MEGF6: variants seen among roughly 807,000 people sequenced by gnomAD.
MEGF6 encodes the protein multiple epidermal growth factor-like domains protein 6.
MEGF6 carries 184 observed loss-of-function variants against 207.1 expected under a neutral mutation model. The ratio of observed to expected loss-of-function variants is 0.89; its 90% CI spans 0.79 to 1.00. The LOEUF (loss-of-function observed/expected upper bound fraction) is 1.00, where lower values mean the gene tolerates loss of function less well. MEGF6 is among the 50% of genes least tolerant of loss of function. The pLI is 0.00. For synonymous variants in MEGF6, 1,038 were observed against 910.0 expected (o/e 1.14, Z -2.53); for missense variants, 2,282 against 2,202.9 (o/e 1.04, Z -0.72).
At chr1:3,568,994 C>T (rs981781591) in intron 4 of MEGF6, among the ~76,000 whole-genome samples, 10 of 147,156 alleles carry the variant, frequency 6.8e-5, no homozygotes, top group Non-Finnish European at 1.2e-4. Context: ...AGCTTCCAGG[C>T]GAGTGGGCAG....
rs77366893 is a variant in MEGF6 at position 3,488,911 on chromosome 1, A to G, written c.*1617T>C. Among the ~76,000 whole-genome samples the G allele has an allele frequency of 0.011, 1,610 of 152,170 alleles. 29 individuals are homozygous for G. The highest frequency in any genetic ancestry group is 0.036 in the African/African-American group (1,502 of 41,500). ...CGTTGCTTCATGTCAATGACTTCTT[A>G]CTTTTGTATTTTGCAGTTAGATGGA... is the stretch of plus-strand genomic sequence containing the variant. On this transcript the variant is annotated 3_prime_UTR_variant, in exon 37 of 37. Coordinates refer to ENST00000356575, the MANE Select transcript of MEGF6 (RefSeq NM_001409.4).
Position 3,512,075 on chromosome 1 carries a change from T to C in MEGF6, c.907A>G (p.Thr303Ala), listed in dbSNP as rs1208979580. Residue 303 changes from threonine to alanine, a missense_variant, in exon 8 of 37, where the codon ACC becomes GCC. Coordinates refer to ENST00000356575, the MANE Select transcript of MEGF6 (RefSeq NM_001409.4). ...LAQCAHGCLN[T>A]QGSFKCVCHA... ...CACACGCACTTGAAGGACCCCTGGG[T>C]GTTGAGGCAGCCATGGGCACACTGG... 5 of 1,612,370 alleles carry C rather than the reference T, an allele frequency of 3.1e-6. No individual in the cohort carries two copies. The highest frequency in any genetic ancestry group is 4.2e-6 in the Non-Finnish European group (5 of 1,179,690).
chr1:3,509,591 A>G (rs1366162980), intron 11 of MEGF6, among the ~76,000 whole-genome samples: 1 of 152,080 alleles, frequency 6.6e-6, no homozygotes, highest in Non-Finnish European at 1.5e-5. Flanking sequence ...CCCTTCTCTC[A>G]CGTGGTCAGG....
chr1:3,508,625 C>T lies in MEGF6; in HGVS notation c.1593G>A (p.Gly531=), dbSNP rs761918325. 1.9e-6 allele frequency: 3 copies of T among 1,613,472 alleles called. No homozygotes were observed. The South Asian group carries it at 3.3e-5, about 18-fold the overall frequency. Reference sequence around the variant, plus strand: ...AGCCATCCAGGCCCAGGAGGCAGGTCCCTCCGTTCCTGCAGTCATCACAGG... The same window carrying T: ...AGCCATCCAGGCCCAGGAGGCAGGTTCCTCCGTTCCTGCAGTCATCACAGG... The part of the protein sequence containing the change: ...SLTCDDCRNG[G]TCLLGLDGCD... The change falls in exon 13 of 37, where the codon GGG becomes GGA. Residue 531 remains glycine, a synonymous_variant. Transcript: ENST00000356575.
intron 4 of MEGF6, among the ~76,000 whole-genome samples, chr1:3,568,863 C>A (rs757252164): frequency 1.3e-5 from 2 of 152,162 alleles, no homozygotes. Flanking sequence ...GCCTGCAGAG[C>A]GTGTTCACAG....
At chr1:3,524,285 G>A in intron 4 of MEGF6, 39 bp from the exon 5 acceptor site, 1 of 1,590,784 alleles carries the variant, frequency 6.3e-7, no homozygotes, top group Non-Finnish European at 8.6e-7. Context: ...CTGGGCACCT[G>A]TGCCCTCCTG....
At chr1:3,572,006 T>C (rs1458367035) in intron 4 of MEGF6, among the ~76,000 whole-genome samples, 2 of 138,324 alleles carry the variant, frequency 1.4e-5, no homozygotes, top group East Asian at 4.9e-4. Context: ...CTGGGTGTGC[T>C]GGGTCCTTCC....
chr1:3,621,604 C>T, the MEGF6 span, among the ~76,000 whole-genome samples: 3 of 152,202 alleles, frequency 2.0e-5, no homozygotes, highest in East Asian at 1.9e-4. Context: ...CTCGTGCCCT[C>T]GGTCTCTTGC....
chr1:3,568,575 AG>A (rs1261903943), intron 4 of MEGF6, among the ~76,000 whole-genome samples: 1 of 152,060 alleles, frequency 6.6e-6, no homozygotes, highest in Non-Finnish European at 1.5e-5. Flanking sequence ...TCAGGCTAAG[AG>A]CCCCCCAAAT....
intron 2 of MEGF6, among the ~76,000 whole-genome samples, chr1:3,596,128 C>T (rs946063587): frequency 5.3e-5 from 8 of 152,080 alleles, no homozygotes; most frequent in African/African-American, 1.9e-4. Flanking sequence ...GAGGAGGCAC[C>T]ATGGCGGGCA....
At chr1:3,495,756 G>C in intron 30 of MEGF6, 134 bp downstream of exon 30, 1 of 1,139,318 alleles carries the variant, frequency 8.8e-7, no homozygotes, top group South Asian at 1.6e-5. Flanking sequence ...CAGCCCCAGG[G>C]TCAAGTGGGG....
rs370792000 is a variant in MEGF6 at position 3,509,906 on chromosome 1, C to T, written c.1321G>A (p.Gly441Ser). 1.4e-5 allele frequency: 22 copies of T among 1,562,336 alleles called. No homozygotes were observed. The highest frequency in any genetic ancestry group is 5.4e-5 in the African/African-American group (4 of 74,008). Residue 441 changes from glycine to serine, a missense_variant, in exon 11 of 37, where the codon GGC becomes AGC. Gly to Ser is a moderately conservative substitution (Grantham distance 56, BLOSUM62 0). Transcript: ENST00000356575. ...CTACGGTCCTCGTGCAGCCGGTAGC[C>T]GGCCTCGCAGGAGCACTGGAAGGAG... is the stretch of plus-strand genomic sequence containing the variant. ...AGSFQCSCEAGYRLHEDRRGC... is the reference protein window; with the variant it reads ...AGSFQCSCEASYRLHEDRRGC...
intron 21 of MEGF6, among the ~76,000 whole-genome samples, chr1:3,500,158 G>A (rs1640794909): frequency 6.6e-6 from 1 of 152,202 alleles, no homozygotes; most frequent in South Asian, 2.1e-4. Flanking sequence ...CCTCCCCAGG[G>A]GCTGTCCGTA....
chr1:3,573,580 C>G lies in MEGF6; in HGVS notation c.481+6245G>C, dbSNP rs1161038419. On this transcript the variant is annotated intron_variant, in intron 4 of 36. Transcript: ENST00000356575. The surrounding 1 kb of genome is among the most constrained non-coding windows in gnomAD (Gnocchi z 5.1). ...CTGGACAAGGTCCCATGGCAGGGAGCAGGACCAGAGACAGCCCCAGCTCCA... is the reference window on the plus strand; with the variant it reads ...CTGGACAAGGTCCCATGGCAGGGAGGAGGACCAGAGACAGCCCCAGCTCCA... 1.3e-5 allele frequency among the ~76,000 whole-genome samples: 2 copies of G among 152,206 alleles called. No homozygotes were observed. The highest frequency in any genetic ancestry group is 4.8e-5 in the African/African-American group (2 of 41,450).
intron 26 of MEGF6, among the ~76,000 whole-genome samples, chr1:3,497,854 G>A (rs1044195179): frequency 2.0e-5 from 3 of 152,218 alleles, no homozygotes; most frequent in African/African-American, 7.2e-5. Context: ...CGGCGCCTCT[G>A]CTGGAAGGGG....
intron 4 of MEGF6, among the ~76,000 whole-genome samples, chr1:3,576,724 CCTCAGCCCTGCACA>C (rs1017974868): frequency 6.8e-6 from 1 of 146,900 alleles, no homozygotes; most frequent in Non-Finnish European, 1.5e-5. Context: ...AGTCCTGCAC[CCTCAGCCCTGCACA>C]CTCCACCCTG....
At chr1:3,555,641 G>A (rs550179947) in intron 4 of MEGF6, among the ~76,000 whole-genome samples, 49 of 152,296 alleles carry the variant, frequency 3.2e-4, no homozygotes, top group African/African-American at 1.1e-3. Flanking sequence ...AGCTGAACCC[G>A]TCAGTGAAAC....
chr1:3,592,835 C>T (rs762451390), intron 3 of MEGF6, among the ~76,000 whole-genome samples: 10 of 152,188 alleles, frequency 6.6e-5, no homozygotes, highest in Non-Finnish European at 1.3e-4. Context: ...GCAAATCTTG[C>T]GCTAAAAACG....
chr1:3,499,507 C>G (rs1640758247), intron 23 of MEGF6, 81 bp downstream of exon 23: 1 of 1,523,096 alleles, frequency 6.6e-7, no homozygotes, highest in Non-Finnish European at 8.8e-7. Flanking sequence ...ACACTCAGGA[C>G]AGGTGGCAGG....
Sources: gnomAD v4.1 joint callset for allele counts (sites outside exome capture counted in the v4.1 genomes callset) on GRCh38, gnomAD v4.1.1 for gene constraint, Gnocchi (gnomAD v3.1) non-coding constraint, MANE v1.5 for transcripts, NCBI Gene and HGNC (gene_info 2026-07-23, HGNC 2026-07-21) for gene names.